Variants in SNTG1 observed in about 807,000 individuals in gnomAD.
SNTG1 encodes the protein gamma-1-syntrophin.
SNTG1 carries 39 observed loss-of-function variants against 74.7 expected under a neutral mutation model. That is an observed-to-expected ratio of 0.52 (90% CI 0.40 to 0.68). The LOEUF (loss-of-function observed/expected upper bound fraction) is 0.68. Among genes scored for constraint, SNTG1 ranks in the 30% least tolerant of loss-of-function variants. SNTG1 has a pLI of 0.00. For synonymous variants in SNTG1, 254 were observed against 217.1 expected, an observed-to-expected ratio of 1.17 and a Z score of -1.49; for missense variants, 685 against 609.5, an observed-to-expected ratio of 1.12 and a Z score of -1.30.
intron 1 of SNTG1, among the ~76,000 whole-genome samples, chr8:50,081,589 G>A (rs1029187083): frequency 2.0e-4 from 31 of 151,918 alleles, no homozygotes; most frequent in Non-Finnish European, 5.9e-5. Context: ...CTTCCCACAG[G>A]TGTCTGAAGG....
chr8:50,459,348 T>C (rs2131671648), intron 8 of SNTG1, among the ~76,000 whole-genome samples: 1 of 152,326 alleles, frequency 6.6e-6, no homozygotes, highest in South Asian at 2.1e-4. Context: ...GCAAACTATT[T>C]GTATTAGAAT....
At chr8:50,055,319 G>A (rs1819934533) in intron 1 of SNTG1, among the ~76,000 whole-genome samples, 1 of 152,032 alleles carries the variant, frequency 6.6e-6, no homozygotes, top group South Asian at 2.1e-4. Context: ...CTCTGGGAAA[G>A]CAAGAAGCAC....
At chr8:50,343,088 A>T in intron 2 of SNTG1, among the ~76,000 whole-genome samples, 1 of 152,098 alleles carries the variant, frequency 6.6e-6, no homozygotes, top group East Asian at 1.9e-4. Context: ...TGTCACTGAA[A>T]TTTTTCCTGC....
At chr8:49,921,309 AAC>A (rs2129343698) in intron 1 of SNTG1, among the ~76,000 whole-genome samples, 1 of 152,222 alleles carries the variant, frequency 6.6e-6, no homozygotes, top group Non-Finnish European at 1.5e-5. Context: ...TACCATGGTT[AAC>A]AGTGTTGATA....
At chr8:50,370,976 G>C (rs944067398) in intron 2 of SNTG1, among the ~76,000 whole-genome samples, 6 of 152,112 alleles carry the variant, frequency 3.9e-5, no homozygotes, top group African/African-American at 9.7e-5. Context: ...TTGTTTAATA[G>C]GATAATAATT....
intron 9 of SNTG1, among the ~76,000 whole-genome samples, chr8:50,511,615 C>T (rs1025675711): frequency 2.3e-4 from 35 of 152,186 alleles, no homozygotes; most frequent in African/African-American, 8.2e-4. Flanking sequence ...TCAGTCCATG[C>T]ATATTTAGGA....
intron 4 of SNTG1, among the ~76,000 whole-genome samples, chr8:50,403,521 T>C (rs745525192): frequency 6.6e-6 from 1 of 152,172 alleles, no homozygotes; most frequent in African/African-American, 2.4e-5. Flanking sequence ...AGAATAAATA[T>C]ATCACACTGG....
chr8:50,039,015 C>T (rs1168420105), intron 1 of SNTG1, among the ~76,000 whole-genome samples: 1 of 152,150 alleles, frequency 6.6e-6, no homozygotes, highest in Non-Finnish European at 1.5e-5. Context: ...ATAAGGATGC[C>T]TTGTGCTTCT....
At chr8:50,444,611 G>A (rs531879661) in intron 5 of SNTG1, among the ~76,000 whole-genome samples, 97 of 152,004 alleles carry the variant, frequency 6.4e-4, no homozygotes, top group African/African-American at 2.2e-3. Flanking sequence ...TTATCCAGGC[G>A]TGGTGGCACA....
At chr8:50,778,579 G>A (rs2095648343) in intron 18 of SNTG1, among the ~76,000 whole-genome samples, 1 of 151,982 alleles carries the variant, frequency 6.6e-6, no homozygotes, top group Non-Finnish European at 1.5e-5. Flanking sequence ...ATTTGTTTGA[G>A]TTCATAGTAG....
At chr8:49,919,952 A>T (rs1806384002) in intron 1 of SNTG1, among the ~76,000 whole-genome samples, 1 of 152,110 alleles carries the variant, frequency 6.6e-6, no homozygotes, top group South Asian at 2.1e-4. Flanking sequence ...ACAATAGCGC[A>T]CACTTAGAGT....
intron 18 of SNTG1, among the ~76,000 whole-genome samples, chr8:50,781,729 G>A (rs1362194409): frequency 6.6e-6 from 1 of 152,146 alleles, no homozygotes; most frequent in African/African-American, 2.4e-5. Context: ...TGTTCTGTGT[G>A]AATTTGATCC....
In SNTG1 at chr8:50,530,202, C is replaced by T; in HGVS notation, c.492C>T (p.Gly164=). The change falls in exon 10 of 19, where the codon GGC becomes GGT. Residue 164 remains glycine (G), a synonymous_variant. Transcript: ENST00000642720. ...CACAPSDQSS[G]TSSPLCDSGL... ...GTGCTCCAAGTGACCAGAGCAGTGG[C>T]ACCTCCTCTCCTCTCTGTGACAGTG... 1 of 1,613,734 alleles carries T rather than the reference C, an allele frequency of 6.2e-7. No individual in the cohort carries two copies. The highest frequency in any genetic ancestry group is 8.5e-7 in the Non-Finnish European group (1 of 1,179,756).
At chr8:50,501,624 T>A (rs7821170) in intron 8 of SNTG1, among the ~76,000 whole-genome samples, 342 of 150,322 alleles carry the variant, frequency 2.3e-3, no homozygotes, top group South Asian at 4.6e-3. Flanking sequence ...TTTTTTTTTT[T>A]TTTTTGTATT....
chr8:50,368,223 A>C (rs2092171491), intron 2 of SNTG1, among the ~76,000 whole-genome samples: 1 of 152,198 alleles, frequency 6.6e-6, no homozygotes, highest in Admixed American at 6.5e-5. Context: ...CTTGTTATAT[A>C]GTGGCAAATA....
intron 15 of SNTG1, among the ~76,000 whole-genome samples, chr8:50,663,080 T>C (rs2131302329): frequency 6.6e-6 from 1 of 152,140 alleles, no homozygotes; most frequent in East Asian, 1.9e-4. Flanking sequence ...CAGAGGAAGA[T>C]GTGTCATGGC....
chr8:50,740,839 G>A (rs980354697), intron 17 of SNTG1, among the ~76,000 whole-genome samples: 9 of 151,976 alleles, frequency 5.9e-5, no homozygotes, highest in Admixed American at 5.9e-4. Context: ...TTACATTGCA[G>A]GCACATGGAT....
At chr8:50,333,582 A>G (rs10087960) in intron 2 of SNTG1, among the ~76,000 whole-genome samples, 9,947 of 152,304 alleles carry the variant, frequency 0.065, 352 homozygotes, top group African/African-American at 0.072. Flanking sequence ...AAACAGCATT[A>G]CCTAGCAGTA....
chr8:50,370,754 T>G (rs1028844117), intron 2 of SNTG1, among the ~76,000 whole-genome samples: 2 of 151,958 alleles, frequency 1.3e-5, no homozygotes, highest in Non-Finnish European at 2.9e-5. Flanking sequence ...CCCCTGAAGG[T>G]GAAGTACAAA....
Sources: gnomAD v4.1 joint callset for allele counts (sites outside exome capture counted in the v4.1 genomes callset) on GRCh38, gnomAD v4.1.1 for gene constraint, MANE v1.5 for transcripts, NCBI Gene and HGNC (gene_info 2026-07-23, HGNC 2026-07-21) for gene names.